PRXL2C: variants seen among roughly 807,000 people sequenced by gnomAD.
PRXL2C encodes the protein peroxiredoxin-like 2C.
In PRXL2C, 38 loss-of-function variants were observed where a neutral mutation model predicts 24.9. The ratio of observed to expected loss-of-function variants is 1.53; its 90% CI spans 1.18 to 2.00. The LOEUF (loss-of-function observed/expected upper bound fraction) is 2.00. Among genes scored for constraint, PRXL2C ranks in the 30% most tolerant of loss-of-function variants. The probability of loss-of-function intolerance (pLI) is 0.00; values close to 1 mark genes in which losing one functional copy is unlikely to be tolerated. For missense variants in PRXL2C, 294 were observed against 290.9 expected (o/e 1.01, Z -0.08); for synonymous variants, 98 against 117.2 (o/e 0.84, Z 1.06).
chr9:96,651,329 A>C, intron 4 of PRXL2C, 61 bp downstream of exon 4: 1 of 1,220,782 alleles, frequency 8.2e-7, no homozygotes, highest in Non-Finnish European at 1.2e-6. Flanking sequence ...CCCTATGCAT[A>C]TATACACAAA....
chr9:96,652,832 A>T (rs1441628965), intron 2 of PRXL2C, among the ~76,000 whole-genome samples: 2 of 152,254 alleles, frequency 1.3e-5, no homozygotes, highest in Non-Finnish European at 2.9e-5. Flanking sequence ...TGAAATCAGT[A>T]TGTTGAAGAG....
chr9:96,654,663 C>T (rs199744732), intron 2 of PRXL2C, 42 bp downstream of exon 2: 2 of 1,541,390 alleles, frequency 1.3e-6, no homozygotes, highest in East Asian at 2.4e-5. Context: ...CTCGCAAGGT[C>T]TGCAGAAGCG....
At chr9:96,647,350 A>C (rs1331741612) in intron 4 of PRXL2C, among the ~76,000 whole-genome samples, 2 of 152,114 alleles carry the variant, frequency 1.3e-5, no homozygotes. Context: ...TTTTTATTTT[A>C]ATGACTATGC....
intron 1 of PRXL2C, 56 bp from the exon 2 acceptor site, chr9:96,654,829 G>A (rs1414151236): frequency 2.9e-5 from 43 of 1,502,980 alleles, no homozygotes; most frequent in Non-Finnish European, 3.8e-5. Context: ...CTCGGGCCCC[G>A]AAGGATCCCT....
Position 96,645,764 on chromosome 9 carries a change from T to C in PRXL2C, c.553+129A>G, listed in dbSNP as rs1465109165. 1.3e-5 allele frequency: 14 copies of C among 1,108,660 alleles called. No individual in the cohort carries two copies. The African/African-American group carries it at 2.0e-4, about 16-fold the overall frequency. The allele number at this position is 1,108,660 out of a possible 1,614,324, so 68.7% of individuals were successfully genotyped here. A position where few individuals can be genotyped will look rare whatever the true frequency, so the allele number is the denominator to read the frequency against. On this transcript the variant is annotated intron_variant, in intron 5 of 5. Coordinates refer to ENST00000375234, the MANE Select transcript of PRXL2C (RefSeq NM_153698.2). ...GTGAGCCGAGATTGCGCCACTGCAC[T>C]CCAGCCTTGGCGACAGAGCGAGACT...
intron 4 of PRXL2C, among the ~76,000 whole-genome samples, chr9:96,647,306 C>A (rs901129225): frequency 2.6e-5 from 4 of 152,116 alleles, no homozygotes; most frequent in African/African-American, 9.7e-5. Flanking sequence ...ATTAATTTTT[C>A]TCCTATCCTT....
intron 5 of PRXL2C, among the ~76,000 whole-genome samples, chr9:96,644,131 C>CA (rs541207643): frequency 0.029 from 1,688 of 57,608 alleles, 35 homozygotes; most frequent in Admixed American, 0.081. Context: ...GGCTCTGTCT[C>CA]AAAAAAAAAA....
At position 96,655,278 on chromosome 9, in the gene PRXL2C, C is replaced by A. The variant is rs1388859133; in HGVS notation, c.4G>T (p.Ala2Ser). 1.9e-6 allele frequency: 2 copies of A among 1,065,872 alleles called. No homozygotes were observed. Among genetic ancestry groups the A allele is most frequent in the African/African-American group, 3.4e-5 (2 of 59,000 alleles). The allele number at this position is 1,065,872 out of a possible 1,614,324, so 66.0% of individuals were successfully genotyped here. A position where few individuals can be genotyped will look rare whatever the true frequency, so the allele number is the denominator to read the frequency against. M[A>S]APAPVTRQVS... ...TGCCGCGTGACCGGGGCCGGCGCGG[C>A]CATGACGCGGGGCGGCCGAGGGCCT... The change falls in exon 1 of 6, where the codon GCC becomes TCC. Residue 2 changes from alanine (A) to serine (S), a missense_variant. Ala to Ser is a moderately conservative substitution (Grantham distance 99, BLOSUM62 1). Coordinates refer to ENST00000375234, the MANE Select transcript of PRXL2C (RefSeq NM_153698.2).
intron 4 of PRXL2C, among the ~76,000 whole-genome samples, chr9:96,648,955 T>C (rs2119183573): frequency 6.6e-6 from 1 of 152,200 alleles, no homozygotes; most frequent in African/African-American, 2.4e-5. Flanking sequence ...ATATTTTTAG[T>C]AGAGACAGGG....
At chr9:96,644,876 GGATTCTTTTTTTTTTTTTTTTT>G (rs1848169861) in intron 5 of PRXL2C, among the ~76,000 whole-genome samples, 1 of 113,676 alleles carries the variant, frequency 8.8e-6, no homozygotes, top group African/African-American at 3.0e-5. Flanking sequence ...ATAACTACAT[GGATTCTTTTTTTTTTTTTTTTT>G]TTTTTTTTTT....
At chr9:96,641,910 G>C in intron 5 of PRXL2C, 24 bp from the exon 6 acceptor site, 2 of 1,452,648 alleles carry the variant, frequency 1.4e-6, no homozygotes, top group East Asian at 2.5e-5. Flanking sequence ...AGAATAAAAG[G>C]CTGAGGCATA....
intron 2 of PRXL2C, 44 bp from the exon 3 acceptor site, chr9:96,651,756 G>T: frequency 1.3e-6 from 2 of 1,507,084 alleles, no homozygotes; most frequent in Non-Finnish European, 1.8e-6. Flanking sequence ...TAGAAATTAT[G>T]CATGTTTTAT....
chr9:96,642,357 G>C (rs1408498308), intron 5 of PRXL2C, among the ~76,000 whole-genome samples: 2 of 151,990 alleles, frequency 1.3e-5, no homozygotes, highest in Non-Finnish European at 2.9e-5. Flanking sequence ...CCCAAAAGAG[G>C]CTCTAAAATA....
chr9:96,654,905 C>A, intron 1 of PRXL2C, 132 bp from the exon 2 acceptor site: 1 of 1,215,740 alleles, frequency 8.2e-7, no homozygotes, highest in Non-Finnish European at 1.1e-6. Flanking sequence ...GGCTCGGGCG[C>A]CCGGCGCGTG....
chr9:96,651,054 G>A (rs2119187748), intron 4 of PRXL2C, among the ~76,000 whole-genome samples: 1 of 152,212 alleles, frequency 6.6e-6, no homozygotes. Flanking sequence ...ACTTTGGGAG[G>A]CCGAGACAGG....
intron 2 of PRXL2C, among the ~76,000 whole-genome samples, chr9:96,653,264 A>G (rs557472313): frequency 6.6e-6 from 1 of 152,134 alleles, no homozygotes; most frequent in African/African-American, 2.4e-5. Flanking sequence ...ACGGTATCAC[A>G]TTTGGTCATA....
chr9:96,648,278 T>C (rs1848222415), intron 4 of PRXL2C, among the ~76,000 whole-genome samples: 1 of 152,190 alleles, frequency 6.6e-6, no homozygotes, highest in Non-Finnish European at 1.5e-5. Context: ...TGAGATTCCA[T>C]AGCCTAGAAC....
chr9:96,642,025 TA>T, intron 5 of PRXL2C, 139 bp from the exon 6 acceptor site: 1 of 552,214 alleles, frequency 1.8e-6, no homozygotes, highest in Non-Finnish European at 2.9e-6. Flanking sequence ...ATATTCTCTA[TA>T]TAATGCCATA....
chr9:96,645,318 C>T (rs886234460), intron 5 of PRXL2C, among the ~76,000 whole-genome samples: 1 of 151,920 alleles, frequency 6.6e-6, no homozygotes, highest in African/African-American at 2.4e-5. Context: ...ATATACAGAT[C>T]GCCAGCCCAC....
Sources: gnomAD v4.1 joint callset for allele counts (sites outside exome capture counted in the v4.1 genomes callset) on GRCh38, gnomAD v4.1.1 for gene constraint, MANE v1.5 for transcripts, NCBI Gene and HGNC (gene_info 2026-07-23, HGNC 2026-07-21) for gene names.